The following NT5DC1 variants were observed in gnomAD, a reference collection of about 807,000 sequenced individuals.
NT5DC1 encodes 5'-nucleotidase domain containing 1.
In NT5DC1, 42 loss-of-function variants were observed where a neutral mutation model predicts 59.4. That is an observed-to-expected ratio of 0.71 (90% CI 0.55 to 0.92). The LOEUF is 0.92. Among genes scored for constraint, NT5DC1 ranks in the 40% least tolerant of loss-of-function variants. The probability of loss-of-function intolerance (pLI) is 0.00; values close to 1 mark genes in which losing one functional copy is unlikely to be tolerated. For missense variants in NT5DC1, 501 were observed against 537.1 expected (o/e 0.93, Z 0.66); for synonymous variants, 172 against 188.1 (o/e 0.91, Z 0.70).
chr6:116,154,539 A>G (rs1026693183), intron 6 of NT5DC1, among the ~76,000 whole-genome samples: 5 of 152,176 alleles, frequency 3.3e-5, no homozygotes, highest in Admixed American at 1.3e-4. Flanking sequence ...ATGAAAAAAA[A>G]ATACACAAAA....
intron 6 of NT5DC1, among the ~76,000 whole-genome samples, chr6:116,136,743 A>G (rs966544335): frequency 6.6e-6 from 1 of 152,202 alleles, no homozygotes. Flanking sequence ...AAGTGTTATC[A>G]CAGATAACAA....
At chr6:116,148,565 A>T (rs185242112) in intron 6 of NT5DC1, among the ~76,000 whole-genome samples, 1 of 152,322 alleles carries the variant, frequency 6.6e-6, no homozygotes, top group East Asian at 1.9e-4. Context: ...GAACATGTTA[A>T]TTAATAGAAG....
At chr6:116,202,925 G>T (rs967049636) in intron 6 of NT5DC1, among the ~76,000 whole-genome samples, 2 of 151,930 alleles carry the variant, frequency 1.3e-5, no homozygotes, top group African/African-American at 4.8e-5. Context: ...TAGGGGTAAT[G>T]TAGTAATGCA....
intron 8 of NT5DC1, among the ~76,000 whole-genome samples, chr6:116,234,597 T>C (rs1782081284): frequency 6.6e-6 from 1 of 152,124 alleles, no homozygotes; most frequent in African/African-American, 2.4e-5. Flanking sequence ...TGCCTCAGAC[T>C]CCCAAAGTGT....
At chr6:116,143,570 T>C (rs1470017896) in intron 6 of NT5DC1, among the ~76,000 whole-genome samples, 1 of 152,212 alleles carries the variant, frequency 6.6e-6, no homozygotes, top group Non-Finnish European at 1.5e-5. Context: ...CTTAAAACTT[T>C]TTTTAATCCT....
At chr6:116,222,686 T>C (rs1156390272) in intron 7 of NT5DC1, among the ~76,000 whole-genome samples, 2 of 152,194 alleles carry the variant, frequency 1.3e-5, no homozygotes, top group South Asian at 4.1e-4. Flanking sequence ...GCCAGCCAAT[T>C]TCAGGCCCCC....
chr6:116,172,844 T>G (rs1191241534), intron 6 of NT5DC1, among the ~76,000 whole-genome samples: 1 of 152,198 alleles, frequency 6.6e-6, no homozygotes, highest in Admixed American at 6.5e-5. Flanking sequence ...TCTACTCTCC[T>G]TGTTTTTATT....
intron 6 of NT5DC1, among the ~76,000 whole-genome samples, chr6:116,210,647 A>G (rs1781557870): frequency 6.6e-6 from 1 of 151,996 alleles, no homozygotes; most frequent in Admixed American, 6.6e-5. Flanking sequence ...TGTGTTTGGC[A>G]AAAATAAGCA....
chr6:116,114,720 A>G (rs1778934573), intron 4 of NT5DC1, among the ~76,000 whole-genome samples: 1 of 152,096 alleles, frequency 6.6e-6, no homozygotes, highest in Non-Finnish European at 1.5e-5. Flanking sequence ...AGTAGTCAGG[A>G]GTGAAGGAAT....
chr6:116,101,429 C>T (rs1399546672), intron 1 of NT5DC1, among the ~76,000 whole-genome samples: 1 of 149,516 alleles, frequency 6.7e-6, no homozygotes, highest in Non-Finnish European at 1.5e-5. Flanking sequence ...GACACAGCCA[C>T]TTGATTTGGT....
intron 3 of NT5DC1, 84 bp downstream of exon 3, chr6:116,108,519 G>T: frequency 1.3e-6 from 1 of 760,584 alleles, no homozygotes; most frequent in South Asian, 1.5e-5. Context: ...TTACAGTATG[G>T]GTTAAATATG....
chr6:116,107,937 C>T (rs562540657), intron 2 of NT5DC1, among the ~76,000 whole-genome samples: 10 of 152,010 alleles, frequency 6.6e-5, no homozygotes, highest in East Asian at 5.8e-4. Flanking sequence ...TAAATTGAGA[C>T]GAATTCTAGA....
intron 6 of NT5DC1, chr6:116,120,562 T>G: frequency 6.2e-7 from 1 of 1,609,876 alleles, no homozygotes; most frequent in South Asian, 1.1e-5. Context: ...GCATGACTGC[T>G]TGACCTGGTG....
At chr6:116,135,711 A>C (rs991566521) in intron 6 of NT5DC1, among the ~76,000 whole-genome samples, 1 of 151,218 alleles carries the variant, frequency 6.6e-6, no homozygotes, top group Non-Finnish European at 1.5e-5. Context: ...ACTGTGGATC[A>C]ACATACCCAT....
chr6:116,239,433 T>C (rs1008525234), intron 11 of NT5DC1, among the ~76,000 whole-genome samples: 3 of 152,116 alleles, frequency 2.0e-5, no homozygotes, highest in Admixed American at 1.3e-4. Flanking sequence ...TCCCCCTGGG[T>C]ATTTGCTGAT....
chr6:116,107,219 T>C (rs993282985), intron 2 of NT5DC1, among the ~76,000 whole-genome samples: 4 of 147,770 alleles, frequency 2.7e-5, no homozygotes, highest in African/African-American at 7.6e-5. Flanking sequence ...GAAAAATACC[T>C]ACATTATGTT....
intron 6 of NT5DC1, among the ~76,000 whole-genome samples, chr6:116,198,996 C>A (rs1328902173): frequency 2.0e-5 from 3 of 151,944 alleles, no homozygotes; most frequent in Non-Finnish European, 2.9e-5. Context: ...CTGGGTAATT[C>A]TTTGTTGGAG....
intron 6 of NT5DC1, among the ~76,000 whole-genome samples, chr6:116,185,779 G>A (rs1780981904): frequency 6.6e-6 from 1 of 151,984 alleles, no homozygotes; most frequent in African/African-American, 2.4e-5. Flanking sequence ...GTGAGTCTCT[G>A]GAAGACAGCA....
intron 6 of NT5DC1, among the ~76,000 whole-genome samples, chr6:116,157,832 T>C (rs554890923): frequency 6.6e-6 from 1 of 152,326 alleles, no homozygotes; most frequent in African/African-American, 2.4e-5. Context: ...ACTCACCTAT[T>C]CAGGATCCTT....
Sources: allele counts gnomAD v4.1 joint callset (sites outside exome capture counted in the v4.1 genomes callset), GRCh38; gene constraint gnomAD v4.1.1; transcripts MANE v1.5; gene names NCBI Gene and HGNC (gene_info 2026-07-23, HGNC 2026-07-21).